The following KHDRBS2 variants were observed in gnomAD, a reference collection of about 807,000 sequenced individuals.
KHDRBS2 encodes KH domain-containing, RNA-binding, signal transduction-associated protein 2.
KHDRBS2 carries 26 observed loss-of-function variants against 44.3 expected under a neutral mutation model. That is an observed-to-expected ratio of 0.59 (90% CI 0.43 to 0.81). The LOEUF is 0.81. Among genes scored for constraint, KHDRBS2 ranks in the 40% least tolerant of loss-of-function variants. The probability of loss-of-function intolerance (pLI) is 0.00; values close to 1 mark genes in which losing one functional copy is unlikely to be tolerated. For synonymous variants in KHDRBS2, 194 were observed against 151.1 expected, an observed-to-expected ratio of 1.28 and a Z score of -2.08; for missense variants, 476 against 433.1, an observed-to-expected ratio of 1.10 and a Z score of -0.88.
intron 4 of KHDRBS2, among the ~76,000 whole-genome samples, chr6:61,913,048 C>G (rs1879024): frequency 0.87 from 131,983 of 152,094 alleles, 57,695 homozygotes; most frequent in African/African-American, 0.95. Flanking sequence ...GAAGACCATG[C>G]TATCAAGAGT....
chr6:62,086,040 C>G (rs1266391734), intron 2 of KHDRBS2, among the ~76,000 whole-genome samples: 1 of 152,022 alleles, frequency 6.6e-6, no homozygotes, highest in Admixed American at 6.6e-5. Context: ...TAAGTGGAAA[C>G]AAACAAAAGA....
chr6:61,943,777 A>T (rs1812630508), intron 4 of KHDRBS2, among the ~76,000 whole-genome samples: 1 of 152,196 alleles, frequency 6.6e-6, no homozygotes, highest in South Asian at 2.1e-4. Flanking sequence ...TATCCAAACT[A>T]TGCAAGGAAT....
At position 62,192,353 on chromosome 6, in the gene KHDRBS2, A is replaced by G. The variant is rs1394502992; in HGVS notation, c.92-15041T>C. Among the ~76,000 whole-genome samples, 4 of 152,148 alleles carry G rather than the reference A, an allele frequency of 2.6e-5. No individual in the cohort carries two copies. In the East Asian group the frequency reaches 7.7e-4, roughly 29 times the overall value. Reference sequence around the variant, plus strand: ...AAGAGGCTTTACTGTTGCCAAAGATATCTTGAAATTTACTATCTTAATGAA... The same window carrying G: ...AAGAGGCTTTACTGTTGCCAAAGATGTCTTGAAATTTACTATCTTAATGAA... On this transcript the variant is annotated intron_variant, in intron 1 of 8. Transcript: ENST00000281156.
intron 4 of KHDRBS2, among the ~76,000 whole-genome samples, chr6:61,908,023 A>C (rs1457434168): frequency 6.6e-6 from 1 of 152,198 alleles, no homozygotes; most frequent in Non-Finnish European, 1.5e-5. Context: ...GTCATACAAC[A>C]CATATGAATG....
At chr6:61,681,279 A>G (rs1274443001) in intron 8 of KHDRBS2, among the ~76,000 whole-genome samples, 4 of 151,966 alleles carry the variant, frequency 2.6e-5, no homozygotes, top group African/African-American at 9.7e-5. Context: ...CACAAAATAG[A>G]AAGAGGAGTA....
intron 6 of KHDRBS2, among the ~76,000 whole-genome samples, chr6:61,769,675 C>T (rs1780547073): frequency 6.6e-6 from 1 of 152,208 alleles, no homozygotes; most frequent in Admixed American, 6.5e-5. Context: ...ATTAGGTAAA[C>T]AAAGCGGCCA....
At chr6:61,982,030 A>G (rs1243796703) in intron 3 of KHDRBS2, among the ~76,000 whole-genome samples, 1 of 152,170 alleles carries the variant, frequency 6.6e-6, no homozygotes, top group Non-Finnish European at 1.5e-5. Flanking sequence ...CTGTGTTATA[A>G]TGAATTCACG....
chr6:62,117,506 T>G (rs1189315636), intron 2 of KHDRBS2, among the ~76,000 whole-genome samples: 1 of 152,148 alleles, frequency 6.6e-6, no homozygotes, highest in Non-Finnish European at 1.5e-5. Context: ...TGGTTGTTAT[T>G]TTCTTGCTGG....
At chr6:61,970,106 C>T (rs1409810253) in intron 4 of KHDRBS2, among the ~76,000 whole-genome samples, 1 of 151,878 alleles carries the variant, frequency 6.6e-6, no homozygotes, top group African/African-American at 2.4e-5. Context: ...ATAGAAATAA[C>T]ATAAGTGATT....
At chr6:61,694,125 G>T (rs1767650491) in intron 8 of KHDRBS2, among the ~76,000 whole-genome samples, 1 of 152,022 alleles carries the variant, frequency 6.6e-6, no homozygotes. Context: ...ATTGTATTTT[G>T]CAAGTAAAAG....
intron 4 of KHDRBS2, among the ~76,000 whole-genome samples, chr6:61,975,616 T>C (rs1173016030): frequency 1.3e-5 from 2 of 149,930 alleles, no homozygotes; most frequent in Non-Finnish European, 3.0e-5. Context: ...CCTCATGACA[T>C]TCATATTCTA....
At chr6:61,939,735 T>C (rs1244900706) in intron 4 of KHDRBS2, among the ~76,000 whole-genome samples, 1 of 152,190 alleles carries the variant, frequency 6.6e-6, no homozygotes, top group African/African-American at 2.4e-5. Flanking sequence ...CATGATAGAA[T>C]TATTCAATGT....
intron 1 of KHDRBS2, among the ~76,000 whole-genome samples, chr6:62,280,131 T>C (rs1841593738): frequency 6.6e-6 from 1 of 151,568 alleles, no homozygotes. Flanking sequence ...GTCAAGGGAG[T>C]GTAGAGAGTG....
intron 6 of KHDRBS2, among the ~76,000 whole-genome samples, chr6:61,734,512 G>C (rs1775010255): frequency 6.6e-6 from 1 of 151,732 alleles, no homozygotes; most frequent in African/African-American, 2.4e-5. Flanking sequence ...TATAAATTTT[G>C]TCATTTTCTA....
At chr6:62,016,524 A>G (rs559374296) in intron 3 of KHDRBS2, among the ~76,000 whole-genome samples, 1 of 149,808 alleles carries the variant, frequency 6.7e-6, no homozygotes, top group Non-Finnish European at 1.5e-5. Context: ...ATAAATACCT[A>G]TTTATACATT....
chr6:62,166,419 C>T (rs560107915), intron 2 of KHDRBS2, among the ~76,000 whole-genome samples: 2 of 152,008 alleles, frequency 1.3e-5, no homozygotes, highest in South Asian at 4.1e-4. Flanking sequence ...TATAAAATGG[C>T]ATAAATCTGA....
downstream of KHDRBS2, chr6:61,679,825 G>T (rs1056802841): frequency 6.6e-6 from 1 of 151,930 alleles, no homozygotes; most frequent in Admixed American, 6.6e-5. Context: ...AAACTCAAAG[G>T]TTGAAGAACT....
In KHDRBS2 at chr6:61,859,291, C is replaced by T. The variant is rs748177764; in HGVS notation, c.810+35344G>A. Among the ~76,000 whole-genome samples, 350 of 151,712 alleles carry T rather than the reference C, an allele frequency of 2.3e-3. 2 individuals carry two copies. The highest frequency in any genetic ancestry group is 8.2e-3 in the African/African-American group (341 of 41,368). On this transcript the variant is annotated intron_variant, in intron 6 of 8. Transcript: ENST00000281156. ...TTTAATTTTTAGCAGGCTACATATA[C>T]GCTTGGGGCAGGAGATGTACACATT...
chr6:62,239,830 T>G (rs1395125217), intron 1 of KHDRBS2, among the ~76,000 whole-genome samples: 2 of 151,832 alleles, frequency 1.3e-5, no homozygotes, highest in Non-Finnish European at 2.9e-5. Context: ...GGATTACAGG[T>G]GCCCACCACC....
Sources: allele counts gnomAD v4.1 joint callset (sites outside exome capture counted in the v4.1 genomes callset), GRCh38; gene constraint gnomAD v4.1.1; transcripts MANE v1.5; gene names NCBI Gene and HGNC (gene_info 2026-07-23, HGNC 2026-07-21).